The following MGAT5 variants were observed in gnomAD, a reference collection of about 807,000 sequenced individuals.
The protein encoded by MGAT5 is alpha-1,6-mannosylglycoprotein 6-beta-N-acetylglucosaminyltransferase.
A neutral mutation model predicts 94.3 loss-of-function variants in MGAT5; 30 were observed. The observed-to-expected ratio is 0.32, with a 90% CI of 0.24 to 0.43. The LOEUF is 0.43. MGAT5 is among the 20% of genes least tolerant of loss of function. The probability of loss-of-function intolerance (pLI) is 1.00; values close to 1 mark genes in which losing one functional copy is unlikely to be tolerated. For synonymous variants in MGAT5, 310 were observed against 322.9 expected, an observed-to-expected ratio of 0.96 and a Z score of 0.43; for missense variants, 691 against 905.5, an observed-to-expected ratio of 0.76 and a Z score of 3.04.
chr2:134,327,146 A>T (rs1414592060), intron 4 of MGAT5, among the ~76,000 whole-genome samples: 1 of 152,152 alleles, frequency 6.6e-6, no homozygotes, highest in Non-Finnish European at 1.5e-5. Flanking sequence ...TCTTAAAAAA[A>T]ATGTTGTAAA....
chr2:134,357,349 C>T (rs1679812064), intron 9 of MGAT5, among the ~76,000 whole-genome samples: 1 of 152,162 alleles, frequency 6.6e-6, no homozygotes, highest in African/African-American at 2.4e-5. Flanking sequence ...TATTCCAACC[C>T]TGAATTTCTC....
intron 1 of MGAT5, among the ~76,000 whole-genome samples, chr2:134,227,407 A>G (rs1371612508): frequency 6.6e-6 from 1 of 152,312 alleles, no homozygotes; most frequent in Non-Finnish European, 1.5e-5. Context: ...CAAAGATGAG[A>G]ATCTGCAGTG....
At chr2:134,382,778 T>C (rs529660721) in intron 10 of MGAT5, among the ~76,000 whole-genome samples, 12 of 152,344 alleles carry the variant, frequency 7.9e-5, no homozygotes, top group African/African-American at 1.4e-4. Context: ...CCACTGAACA[T>C]TGGGGCGGCC....
chr2:134,303,290 T>C (rs1309438968), intron 2 of MGAT5, among the ~76,000 whole-genome samples: 2 of 152,204 alleles, frequency 1.3e-5, no homozygotes, highest in African/African-American at 4.8e-5. Flanking sequence ...TTTTGTTGAC[T>C]GTTTTTCTTG....
chr2:134,166,998 G>T (rs1687991332), intron 1 of MGAT5, among the ~76,000 whole-genome samples: 1 of 152,192 alleles, frequency 6.6e-6, no homozygotes, highest in Admixed American at 6.5e-5. Context: ...CCTGGGTTCT[G>T]TGTTTCCTTG....
intron 10 of MGAT5, among the ~76,000 whole-genome samples, chr2:134,399,181 C>T (rs1019615502): frequency 2.3e-4 from 35 of 152,150 alleles, no homozygotes; most frequent in Non-Finnish European, 4.0e-4. Context: ...ATCCCATAAA[C>T]ATGTACAATT....
chr2:134,333,092 A>C (rs550909569), intron 4 of MGAT5, among the ~76,000 whole-genome samples: 8 of 152,246 alleles, frequency 5.3e-5, no homozygotes, highest in Admixed American at 2.0e-4. Context: ...TGGGTATATA[A>C]CCAAAGGACT....
At chr2:134,150,379 G>A (rs561325436) in intron 1 of MGAT5, among the ~76,000 whole-genome samples, 44 of 152,274 alleles carry the variant, frequency 2.9e-4, no homozygotes, top group African/African-American at 1.0e-3. Context: ...TTGTCCCCTG[G>A]TTTCTGCTCC....
chr2:134,427,082 T>C (rs1431024863), intron 13 of MGAT5, among the ~76,000 whole-genome samples: 1 of 152,154 alleles, frequency 6.6e-6, no homozygotes, highest in Non-Finnish European at 1.5e-5. Flanking sequence ...AAGGGGGAGA[T>C]GATGCCCTGA....
intron 1 of MGAT5, among the ~76,000 whole-genome samples, chr2:134,130,491 G>A (rs1424662969): frequency 6.6e-6 from 1 of 152,234 alleles, no homozygotes; most frequent in African/African-American, 2.4e-5. Flanking sequence ...GTGAGGACTT[G>A]GAGAACTTTT....
At chr2:134,143,960 G>T (rs1423453240) in intron 1 of MGAT5, among the ~76,000 whole-genome samples, 1 of 152,008 alleles carries the variant, frequency 6.6e-6, no homozygotes, top group Non-Finnish European at 1.5e-5. Flanking sequence ...GGAGGTGAGG[G>T]AATTTAGGAG....
chr2:134,361,184 G>A (rs1159522003), intron 9 of MGAT5, among the ~76,000 whole-genome samples: 2 of 152,214 alleles, frequency 1.3e-5, no homozygotes, highest in African/African-American at 4.8e-5. Context: ...AAGATGAAGG[G>A]ACCAGCTTCC....
At chr2:134,342,426 A>G (rs1268240190) in intron 7 of MGAT5, among the ~76,000 whole-genome samples, 1 of 152,146 alleles carries the variant, frequency 6.6e-6, no homozygotes, top group African/African-American at 2.4e-5. Flanking sequence ...GTATATTTCC[A>G]GAAGGAATAC....
chr2:134,392,770 G>A (rs1261816656), intron 10 of MGAT5, among the ~76,000 whole-genome samples: 1 of 152,364 alleles, frequency 6.6e-6, no homozygotes, highest in Non-Finnish European at 1.5e-5. Context: ...AGCAAGCACA[G>A]CCCTACAACT....
At chr2:134,130,005 G>A (rs1019625324) in intron 1 of MGAT5, among the ~76,000 whole-genome samples, 4 of 152,328 alleles carry the variant, frequency 2.6e-5, no homozygotes, top group African/African-American at 7.2e-5. Context: ...CCAGGTGGGC[G>A]TGGGCTCCGC....
At chr2:134,140,102 G>A (rs1423778139) in intron 1 of MGAT5, among the ~76,000 whole-genome samples, 1 of 152,216 alleles carries the variant, frequency 6.6e-6, no homozygotes, top group East Asian at 1.9e-4. Flanking sequence ...CTCACGGCCT[G>A]CACCTGCCCC....
In MGAT5 at chr2:134,448,875, C is replaced by T. The variant is rs1004443065; in HGVS notation, c.*28C>T. On this transcript the variant is annotated 3_prime_UTR_variant, in exon 16 of 16. Coordinates refer to ENST00000281923, the MANE Select transcript of MGAT5 (RefSeq NM_002410.5). ...GCTACCTGCTCAGCCCTGCACCATG[C>T]TGCTGGGGAAGACAGTGGCCCCAGC... 8.1e-6 allele frequency: 13 copies of T among 1,601,070 alleles called. No homozygotes were observed. Among genetic ancestry groups the T allele is most frequent in the Non-Finnish European group, 6.0e-6 (7 of 1,172,780 alleles).
intron 1 of MGAT5, among the ~76,000 whole-genome samples, chr2:134,238,502 G>A (rs952471693): frequency 6.6e-6 from 1 of 152,178 alleles, no homozygotes; most frequent in African/African-American, 2.4e-5. Flanking sequence ...ATCATGTCTT[G>A]TTTATGTATC....
intron 2 of MGAT5, among the ~76,000 whole-genome samples, chr2:134,297,241 A>T (rs891245300): frequency 3.3e-5 from 5 of 151,920 alleles, no homozygotes; most frequent in Non-Finnish European, 7.4e-5. Flanking sequence ...TCAATAACAA[A>T]GAATTTGAAC....
Sources: allele counts gnomAD v4.1 joint callset (sites outside exome capture counted in the v4.1 genomes callset), GRCh38; gene constraint gnomAD v4.1.1; transcripts MANE v1.5; gene names NCBI Gene and HGNC (gene_info 2026-07-23, HGNC 2026-07-21).